FHIT: variants seen among roughly 807,000 people sequenced by gnomAD.
FHIT encodes bis(5'-adenosyl)-triphosphatase.
A neutral mutation model predicts 17.9 loss-of-function variants in FHIT; 19 were observed. The ratio of observed to expected loss-of-function variants is 1.06; its 90% confidence interval spans 0.74 to 1.56. FHIT has a LOEUF of 1.56. Ranked by LOEUF, FHIT falls within the 40% of genes most tolerant of loss-of-function variation. FHIT has a pLI of 0.00. For synonymous variants in FHIT, 81 were observed against 69.7 expected (o/e 1.16, Z -0.81); for missense variants, 248 against 189.2 (o/e 1.31, Z -1.82).
At chr3:59,851,305 G>A (rs564916386) in intron 8 of FHIT, among the ~76,000 whole-genome samples, 1 of 152,306 alleles carries the variant, frequency 6.6e-6, no homozygotes, top group African/African-American at 2.4e-5. Flanking sequence ...CAGGTAAAAT[G>A]TAATATTTAA....
intron 8 of FHIT, among the ~76,000 whole-genome samples, chr3:59,913,607 A>C (rs1459812271): frequency 2.0e-5 from 3 of 152,146 alleles, no homozygotes; most frequent in Non-Finnish European, 2.9e-5. Flanking sequence ...TAGATGTATT[A>C]CTAGTCTCAG....
intron 3 of FHIT, among the ~76,000 whole-genome samples, chr3:60,919,734 A>G (rs1430600968): frequency 1.3e-5 from 2 of 152,256 alleles, no homozygotes; most frequent in South Asian, 2.1e-4. Flanking sequence ...TATATTTTTT[A>G]TAGGGAATAA....
intron 2 of FHIT, among the ~76,000 whole-genome samples, chr3:61,157,614 G>T (rs574498091): frequency 6.6e-6 from 1 of 152,182 alleles, no homozygotes; most frequent in Non-Finnish European, 1.5e-5. Context: ...CTCTGAGAAA[G>T]ACAGTGATAG....
intron 5 of FHIT, among the ~76,000 whole-genome samples, chr3:60,283,039 C>G (rs957218316): frequency 6.6e-6 from 1 of 152,048 alleles, no homozygotes; most frequent in Non-Finnish European, 1.5e-5. Context: ...ATGGCAGAAC[C>G]CTCAGGATCA....
At chr3:60,364,098 T>C (rs557954005) in intron 5 of FHIT, among the ~76,000 whole-genome samples, 3 of 152,332 alleles carry the variant, frequency 2.0e-5, no homozygotes, top group African/African-American at 7.2e-5. Flanking sequence ...ATTGTAAATA[T>C]ACTCTTTAAT....
chr3:60,856,987 TG>T (rs1553750175), intron 3 of FHIT, among the ~76,000 whole-genome samples: 1 of 152,148 alleles, frequency 6.6e-6, no homozygotes, highest in Non-Finnish European at 1.5e-5. Flanking sequence ...GTGATATACT[TG>T]CCATAGCACT....
At chr3:60,128,825 T>C (rs1699378985) in intron 5 of FHIT, among the ~76,000 whole-genome samples, 1 of 152,182 alleles carries the variant, frequency 6.6e-6, no homozygotes, top group African/African-American at 2.4e-5. Context: ...TGACCTCCTC[T>C]GAGGCAAGCT....
At chr3:60,028,490 A>G (rs1700848993) in intron 5 of FHIT, among the ~76,000 whole-genome samples, 1 of 152,178 alleles carries the variant, frequency 6.6e-6, no homozygotes, top group African/African-American at 2.4e-5. Flanking sequence ...CACATCTGGT[A>G]TTCAGTCAGA....
At chr3:60,345,731 T>C (rs1243104611) in intron 5 of FHIT, among the ~76,000 whole-genome samples, 1 of 152,216 alleles carries the variant, frequency 6.6e-6, no homozygotes, top group African/African-American at 2.4e-5. Flanking sequence ...CAACAGTTTA[T>C]TGAATCTTGA....
chr3:60,502,728 G>A (rs2034572537), intron 5 of FHIT, among the ~76,000 whole-genome samples: 1 of 152,164 alleles, frequency 6.6e-6, no homozygotes, highest in South Asian at 2.1e-4. Context: ...CTGTAGTCAT[G>A]AGGGCTGACG....
At position 61,016,700 on chromosome 3, in the gene FHIT, C is replaced by T. The variant is rs544704906; in HGVS notation, c.-111+25347G>A. ...GGCTCCATCACTAATGAAACAAGTC[C>T]TGGATTTTCATAGCAACCATCAAGC... On this transcript the variant is annotated intron_variant, in intron 3 of 9. Transcript: ENST00000492590. Among the ~76,000 whole-genome samples, 11 of 152,298 alleles carry T rather than the reference C, an allele frequency of 7.2e-5. No individual in the cohort carries two copies. In the South Asian group the frequency reaches 1.4e-3, roughly 20 times the overall value.
intron 5 of FHIT, among the ~76,000 whole-genome samples, chr3:60,255,650 A>G (rs897161678): frequency 6.6e-6 from 1 of 152,082 alleles, no homozygotes; most frequent in Non-Finnish European, 1.5e-5. Context: ...GCTAGTTTAT[A>G]TTTTTTTAAA....
In FHIT at chr3:61,051,554, G is replaced by C. The variant is rs115942198; in HGVS notation, c.-163-9455C>G. On this transcript the variant is annotated intron_variant, in intron 2 of 9. Transcript: ENST00000492590. Reference sequence around the variant, plus strand: ...CTGAGACACCACCCCTGGCTTCTTGGGTTATTTTGACTGACATATCTCACT... The same window carrying C: ...CTGAGACACCACCCCTGGCTTCTTGCGTTATTTTGACTGACATATCTCACT... Among the ~76,000 whole-genome samples, 1,064 of 152,052 alleles carry C rather than the reference G, an allele frequency of 7.0e-3. 9 individuals are homozygous for C. Among genetic ancestry groups the C allele is most frequent in the South Asian group, 0.039 (185 of 4,802 alleles).
chr3:60,152,633 T>G (rs1322406493), intron 5 of FHIT, among the ~76,000 whole-genome samples: 1 of 152,158 alleles, frequency 6.6e-6, no homozygotes, highest in Non-Finnish European at 1.5e-5. Context: ...AAGGAAAACA[T>G]GTTTTGAAAA....
chr3:60,085,131 C>A (rs553482618), intron 5 of FHIT, among the ~76,000 whole-genome samples: 1 of 152,298 alleles, frequency 6.6e-6, no homozygotes, highest in East Asian at 1.9e-4. Flanking sequence ...CTTCCTCACA[C>A]ACTCAAAACA....
chr3:60,389,246 T>C (rs1701131264), intron 5 of FHIT, among the ~76,000 whole-genome samples: 1 of 152,194 alleles, frequency 6.6e-6, no homozygotes, highest in Non-Finnish European at 1.5e-5. Context: ...CCTACCTGCC[T>C]GTGATTTCAT....
chr3:60,708,271 G>T (rs1409770897), intron 4 of FHIT, among the ~76,000 whole-genome samples: 1 of 152,138 alleles, frequency 6.6e-6, no homozygotes, highest in Non-Finnish European at 1.5e-5. Flanking sequence ...CCTTACTAAT[G>T]GGCAATTTGC....
At chr3:60,591,019 A>G (rs2038067509) in intron 4 of FHIT, among the ~76,000 whole-genome samples, 1 of 152,096 alleles carries the variant, frequency 6.6e-6, no homozygotes, top group Admixed American at 6.6e-5. Context: ...AAACCCCATG[A>G]AAGTCAGCAA....
At chr3:59,945,153 A>G (rs1706736608) in intron 7 of FHIT, among the ~76,000 whole-genome samples, 1 of 152,168 alleles carries the variant, frequency 6.6e-6, no homozygotes, top group African/African-American at 2.4e-5. Flanking sequence ...GTGTATAAGC[A>G]GTCCCCTTCC....
Sources: gnomAD v4.1 joint callset for allele counts (sites outside exome capture counted in the v4.1 genomes callset) on GRCh38, gnomAD v4.1.1 for gene constraint, MANE v1.5 for transcripts, NCBI Gene and HGNC (gene_info 2026-07-23, HGNC 2026-07-21) for gene names.